The following SLC16A6 variants were observed in gnomAD, a reference collection of about 807,000 sequenced individuals.
SLC16A6 encodes solute carrier family 16 member 6, also known as monocarboxylate transporter 7.
In SLC16A6, 15 loss-of-function variants were observed where a neutral mutation model predicts 33.8. That is an observed-to-expected ratio of 0.44 (90% CI 0.30 to 0.68). The LOEUF (loss-of-function observed/expected upper bound fraction) is 0.68, where lower values mean the gene tolerates loss of function less well. Among genes scored for constraint, SLC16A6 ranks in the 30% least tolerant of loss-of-function variants. The probability of loss-of-function intolerance (pLI) is 0.10; values close to 1 mark genes in which losing one functional copy is unlikely to be tolerated. For missense variants in SLC16A6, 451 were observed against 661.5 expected, an observed-to-expected ratio of 0.68 and a Z score of 3.49; for synonymous variants, 219 against 248.4, an observed-to-expected ratio of 0.88 and a Z score of 1.11.
intron 3 of SLC16A6, among the ~76,000 whole-genome samples, chr17:68,273,465 C>T (rs1384234430): frequency 1.3e-5 from 2 of 152,124 alleles, no homozygotes; most frequent in Non-Finnish European, 2.9e-5. Context: ...ACGTGATCCT[C>T]CTGTCTCAGC....
At chr17:68,278,369 T>A in intron 1 of SLC16A6, 42 bp from the exon 2 acceptor site, 9 of 1,279,202 alleles carry the variant, frequency 7.0e-6, no homozygotes, top group Non-Finnish European at 9.0e-6. Flanking sequence ...AGCAATAGCA[T>A]GAGGATCGAT....
chr17:68,285,199 G>A (rs574664547), intron 1 of SLC16A6, among the ~76,000 whole-genome samples: 2 of 152,346 alleles, frequency 1.3e-5, no homozygotes, highest in African/African-American at 2.4e-5. Flanking sequence ...TAGCTACTAA[G>A]ACCAAGGTCA....
At chr17:68,282,665 C>T (rs572446037) in intron 1 of SLC16A6, among the ~76,000 whole-genome samples, 35 of 150,666 alleles carry the variant, frequency 2.3e-4, no homozygotes, top group African/African-American at 7.6e-4. Flanking sequence ...TTAGCAGTGC[C>T]GGGCATGGTG....
At chr17:68,275,455 T>C in intron 2 of SLC16A6, among the ~76,000 whole-genome samples, 1 of 152,204 alleles carries the variant, frequency 6.6e-6, no homozygotes, top group Non-Finnish European at 1.5e-5. Flanking sequence ...TGAGCCAGGA[T>C]GTTGGCTCAA....
intron 4 of SLC16A6, among the ~76,000 whole-genome samples, chr17:68,272,215 G>T (rs2075365249): frequency 6.6e-6 from 1 of 152,174 alleles, no homozygotes; most frequent in Non-Finnish European, 1.5e-5. Context: ...TGGGATTACA[G>T]GTGTAAGCCA....
intron 2 of SLC16A6, chr17:68,274,652 T>C (rs1555750321): frequency 6.6e-6 from 1 of 152,254 alleles, no homozygotes; most frequent in African/African-American, 2.4e-5. Context: ...AAATTAGATA[T>C]GTATTGAATT....
chr17:68,270,406 T>C (rs1312353611), intron 5 of SLC16A6, among the ~76,000 whole-genome samples: 32 of 151,896 alleles, frequency 2.1e-4, no homozygotes, highest in Non-Finnish European at 1.5e-4. Flanking sequence ...ATACAAAAAT[T>C]AGCCAGGCGT....
chr17:68,290,280 A>G (rs940643339), intron 1 of SLC16A6, among the ~76,000 whole-genome samples: 1 of 152,200 alleles, frequency 6.6e-6, no homozygotes, highest in African/African-American at 2.4e-5. Context: ...GACATTTTAT[A>G]TACGCCACCT....
intron 2 of SLC16A6, among the ~76,000 whole-genome samples, chr17:68,276,117 A>G (rs543361145): frequency 1.3e-5 from 2 of 152,014 alleles, no homozygotes; most frequent in African/African-American, 2.4e-5. Context: ...TTTTTGAGAC[A>G]GAGTCTTGCT....
intron 5 of SLC16A6, 142 bp downstream of exon 5, chr17:68,270,697 A>T (rs1343206893): frequency 2.9e-6 from 2 of 701,014 alleles, no homozygotes; most frequent in East Asian, 5.4e-5. Flanking sequence ...GGGCTGGCTC[A>T]GGTAATCTCT....
rs1300939963 is a variant in SLC16A6, at chr17:68,267,752, A to G, written c.*1344T>C. 2.0e-5 allele frequency: 3 copies of G among 152,210 alleles called. No homozygotes were observed. In the East Asian group the frequency reaches 5.8e-4, roughly 29 times the overall value. The allele number at this position is 152,210 out of a possible 1,614,324, so 9.4% of individuals were successfully genotyped here. ...CTATACATGTAGTGTGACTCCAAAA[A>G]AAAAGGAAGAATAAAACAAACAAAA... is the stretch of plus-strand genomic sequence containing the variant. On this transcript the variant is annotated 3_prime_UTR_variant, in exon 6 of 6. Transcript: ENST00000580666.
chr17:68,287,638 G>C (rs2075871006), intron 1 of SLC16A6, among the ~76,000 whole-genome samples: 2 of 151,980 alleles, frequency 1.3e-5, no homozygotes, highest in Non-Finnish European at 2.9e-5. Context: ...TTTTATAACT[G>C]AGATCTCCAT....
At chr17:68,269,893 G>A (rs1309323858) in intron 5 of SLC16A6, among the ~76,000 whole-genome samples, 5 of 151,942 alleles carry the variant, frequency 3.3e-5, no homozygotes, top group African/African-American at 1.2e-4. Flanking sequence ...GGCTGGTCTG[G>A]AACTCCTGAC....
At position 68,281,844 on chromosome 17, in the gene SLC16A6, A is replaced by G. The variant is rs147650409; in HGVS notation, c.-7-3517T>C. 4.6e-5 allele frequency among the ~76,000 whole-genome samples: 7 copies of G among 152,288 alleles called. No homozygotes were observed. The East Asian group carries it at 1.2e-3, about 25-fold the overall frequency. The stretch of plus-strand genomic sequence containing the variant: ...GTAAACTAGTACGGCCAATAAGGAG[A>G]ACAGTATGGAGCTTCCTCAAAAAAC... On this transcript the variant is annotated intron_variant, in intron 1 of 5. Transcript: ENST00000580666.
upstream of SLC16A6, chr17:68,291,230 G>C (rs1275868304): frequency 6.6e-6 from 1 of 151,450 alleles, no homozygotes; most frequent in African/African-American, 2.4e-5. Flanking sequence ...AGTTGGCTCG[G>C]GCTGGTGAGG....
chr17:68,268,610 CTTTTTTTTTTTGA>C lies in SLC16A6; in HGVS notation c.*473_*485del, dbSNP rs1568400960. 2.8e-5 allele frequency: 4 copies of C among 143,804 alleles called. No individual in the cohort carries two copies. Among genetic ancestry groups the C allele is most frequent in the Admixed American group, 7.0e-5 (1 of 14,270 alleles). 8.9% of individuals were successfully genotyped at this position (143,804 alleles called of 1,614,324 possible). ...TAGGAATTTTAAAAATGATTGAAGTCTTTTTTTTTTTGACTGGCCAATTTCATTTCAATGACCT... is the reference window on the plus strand; with the variant it reads ...TAGGAATTTTAAAAATGATTGAAGTCCTGGCCAATTTCATTTCAATGACCT... On this transcript the variant is annotated 3_prime_UTR_variant, in exon 6 of 6. Coordinates refer to ENST00000580666, the MANE Select transcript of SLC16A6 (RefSeq NM_004694.5).
Position 68,269,204 on chromosome 17 carries a change from C to T in SLC16A6, c.1464G>A (p.Lys488=), listed in dbSNP as rs782668257. 1.8e-5 allele frequency: 28 copies of T among 1,565,522 alleles called. No homozygotes were observed. The Middle Eastern group carries it at 5.1e-4, about 29-fold the overall frequency. The change falls in exon 6 of 6, where the codon AAG becomes AAA. Residue 488 remains lysine, a synonymous_variant. Coordinates refer to ENST00000580666, the MANE Select transcript of SLC16A6 (RefSeq NM_004694.5). ...AAGTCTTCCCACGATGGCTCACTAC[C>T]TTTGTTTCACCTGAGTGATGATGCT... The part of the protein sequence containing the change: ...LCQHHHSGET[K]VVSHRGKTLQ...
rs1161106004 is a variant in SLC16A6, at chr17:68,274,271, G to A, written c.233-201C>T. 3.7e-5 allele frequency: 17 copies of A among 461,566 alleles called. No homozygotes were observed. The Admixed American group carries it at 5.1e-4, about 14-fold the overall frequency. The allele number at this position is 461,566 out of a possible 1,614,324, so 28.6% of individuals were successfully genotyped here. A position where few individuals can be genotyped will look rare whatever the true frequency, so the allele number is the denominator to read the frequency against. The stretch of plus-strand genomic sequence containing the variant: ...GCTTGAGCCCAGGAGTTCAAGACTA[G>A]CCCGGGCAACATGGTGAAACCCCGT... On this transcript the variant is annotated intron_variant, in intron 2 of 5. Transcript: ENST00000580666.
upstream of SLC16A6, chr17:68,291,333 G>A (rs2075980056): frequency 6.7e-6 from 1 of 149,598 alleles, no homozygotes; most frequent in African/African-American, 2.5e-5. Flanking sequence ...TGCGACCCGG[G>A]CCGTGCGTGC....
Sources: allele counts gnomAD v4.1 joint callset (sites outside exome capture counted in the v4.1 genomes callset), GRCh38; gene constraint gnomAD v4.1.1; transcripts MANE v1.5; gene names NCBI Gene and HGNC (gene_info 2026-07-23, HGNC 2026-07-21).